CDH4: variants seen among roughly 807,000 people sequenced by gnomAD.
CDH4 encodes the protein cadherin 4.
In CDH4, 33 loss-of-function variants were observed where a neutral mutation model predicts 86.0. The ratio of observed to expected loss-of-function variants is 0.38; its 90% CI spans 0.29 to 0.51. The LOEUF (loss-of-function observed/expected upper bound fraction) is 0.51. CDH4 is among the 20% of genes least tolerant of loss of function. The pLI, the probability that CDH4 is intolerant of heterozygous loss-of-function variation, is 0.86. For synonymous variants in CDH4, 555 were observed against 549.4 expected, an observed-to-expected ratio of 1.01 and a Z score of -0.14; for missense variants, 1,114 against 1,307.4, an observed-to-expected ratio of 0.85 and a Z score of 2.28.
chr20:61,662,352 C>A (rs1428573170), intron 2 of CDH4, among the ~76,000 whole-genome samples: 1 of 152,240 alleles, frequency 6.6e-6, no homozygotes, highest in Non-Finnish European at 1.5e-5. Flanking sequence ...CAACCTCTGT[C>A]AGGGCAAGTG....
intron 2 of CDH4, among the ~76,000 whole-genome samples, chr20:61,304,177 C>T (rs1047259186): frequency 6.6e-5 from 10 of 152,048 alleles, no homozygotes; most frequent in East Asian, 1.9e-4. Flanking sequence ...TCTATGAAGA[C>T]GAATCCTGGT....
intron 4 of CDH4, among the ~76,000 whole-genome samples, chr20:61,843,073 T>C (rs532815478): frequency 1.3e-5 from 2 of 152,304 alleles, no homozygotes; most frequent in South Asian, 4.1e-4. Context: ...ATCATTTCAG[T>C]AAAAGGTCCT....
chr20:61,875,971 G>A (rs1239937479), intron 7 of CDH4, among the ~76,000 whole-genome samples: 4 of 152,164 alleles, frequency 2.6e-5, no homozygotes, highest in Non-Finnish European at 5.9e-5. Flanking sequence ...TGAGCAGCTC[G>A]TTTCCACAGG....
intron 4 of CDH4, among the ~76,000 whole-genome samples, chr20:61,821,272 GC>G (rs1387119065): frequency 1.4e-4 from 15 of 105,174 alleles, no homozygotes; most frequent in South Asian, 3.4e-4. Context: ...TCCCTACACA[GC>G]CCCCACCCTA....
rs1437327710 is a variant in CDH4, at chr20:61,417,511, C to A, written c.169+162574C>A. Among the ~76,000 whole-genome samples, 3 of 152,190 alleles carry A rather than the reference C, an allele frequency of 2.0e-5. No individual in the cohort carries two copies. The East Asian group carries it at 5.8e-4, about 29-fold the overall frequency. ...GGGTCCGGAGTTGGGAGTTGGGAATCGGGCCATCGGAACATCTCCCCTTCT... is the reference window on the plus strand; with the variant it reads ...GGGTCCGGAGTTGGGAGTTGGGAATAGGGCCATCGGAACATCTCCCCTTCT... On this transcript the variant is annotated intron_variant, in intron 2 of 15. Transcript: ENST00000614565. This position sits in a 1 kb window ranked among gnomAD's most constrained non-coding sequence, Gnocchi z 4.0.
At chr20:61,404,904 G>C (rs1383582755) in intron 2 of CDH4, among the ~76,000 whole-genome samples, 1 of 152,080 alleles carries the variant, frequency 6.6e-6, no homozygotes, top group African/African-American at 2.4e-5. Context: ...CAAAAAATTA[G>C]CTGGGCATGG....
chr20:61,824,978 C>G (rs1361018584), intron 4 of CDH4, among the ~76,000 whole-genome samples: 1 of 152,202 alleles, frequency 6.6e-6, no homozygotes, highest in African/African-American at 2.4e-5. Flanking sequence ...CCCACGGCCA[C>G]TTTCGTTATC....
intron 11 of CDH4, among the ~76,000 whole-genome samples, chr20:61,926,765 C>T (rs1411992418): frequency 1.3e-5 from 2 of 152,060 alleles, no homozygotes; most frequent in African/African-American, 4.8e-5. Flanking sequence ...CCCAGCTATT[C>T]GGGAGGCTGA....
intron 2 of CDH4, among the ~76,000 whole-genome samples, chr20:61,444,834 T>G (rs112654983): frequency 2.0e-5 from 3 of 147,924 alleles, no homozygotes; most frequent in African/African-American, 7.6e-5. Flanking sequence ...TGTGTACATC[T>G]GTGTCTGTGT....
intron 4 of CDH4, among the ~76,000 whole-genome samples, chr20:61,823,736 G>A (rs149151953): frequency 6.6e-6 from 1 of 152,276 alleles, no homozygotes; most frequent in East Asian, 1.9e-4. Flanking sequence ...AAATCTCTTG[G>A]TGTCCACTGA....
At chr20:61,390,189 A>G (rs2084974656) in intron 2 of CDH4, among the ~76,000 whole-genome samples, 3 of 141,718 alleles carry the variant, frequency 2.1e-5, no homozygotes, top group East Asian at 2.2e-4. Context: ...TGTCTGGGAA[A>G]CCCCGATTGA....
intron 2 of CDH4, among the ~76,000 whole-genome samples, chr20:61,479,592 C>T (rs2085558083): frequency 6.6e-6 from 1 of 152,164 alleles, no homozygotes; most frequent in African/African-American, 2.4e-5. Flanking sequence ...GAAAATGTGG[C>T]ACATATATAC....
At chr20:61,926,461 G>C (rs2055045699) in intron 11 of CDH4, among the ~76,000 whole-genome samples, 1 of 152,230 alleles carries the variant, frequency 6.6e-6, no homozygotes, top group East Asian at 1.9e-4. Context: ...ACAGAGCCCG[G>C]GCTGTGTAGC....
intron 2 of CDH4, chr20:61,369,901 G>A (rs2084830925): frequency 6.6e-6 from 1 of 152,408 alleles, no homozygotes; most frequent in Admixed American, 6.5e-5. Context: ...CAGTGGGGAG[G>A]ACTTTCCAGA....
intron 4 of CDH4, among the ~76,000 whole-genome samples, chr20:61,787,983 G>A (rs1457630520): frequency 2.0e-5 from 3 of 152,314 alleles, no homozygotes. Flanking sequence ...GGACTTGGTG[G>A]TTGATTCTGA....
At chr20:61,559,042 G>A (rs1281917940) in intron 2 of CDH4, among the ~76,000 whole-genome samples, 1 of 152,230 alleles carries the variant, frequency 6.6e-6, no homozygotes, top group Non-Finnish European at 1.5e-5. Flanking sequence ...TGCTGGGCCG[G>A]GCGCAGTGGC....
chr20:61,341,173 G>A (rs1469086049), intron 2 of CDH4, among the ~76,000 whole-genome samples: 1 of 152,338 alleles, frequency 6.6e-6, no homozygotes, highest in Non-Finnish European at 1.5e-5. Context: ...AGATGTGAGT[G>A]CTGTTGCAGT....
chr20:61,640,930 C>G (rs1041773222), intron 2 of CDH4, among the ~76,000 whole-genome samples: 1 of 152,168 alleles, frequency 6.6e-6, no homozygotes, highest in Non-Finnish European at 1.5e-5. Flanking sequence ...CGAGTGGTGC[C>G]GGGCAAGGCA....
chr20:61,710,299 C>T (rs2087875942), intron 2 of CDH4, among the ~76,000 whole-genome samples: 1 of 152,200 alleles, frequency 6.6e-6, no homozygotes, highest in Non-Finnish European at 1.5e-5. Flanking sequence ...CTCTCTGAGC[C>T]TGGTGTCCTG....
Sources: allele counts gnomAD v4.1 joint callset (sites outside exome capture counted in the v4.1 genomes callset), GRCh38; gene constraint gnomAD v4.1.1; non-coding constraint Gnocchi (gnomAD v3.1); transcripts MANE v1.5; gene names NCBI Gene and HGNC (gene_info 2026-07-23, HGNC 2026-07-21).